Variants in CSRP1 observed in about 807,000 individuals in gnomAD.
The protein encoded by CSRP1 is cysteine and glycine rich protein 1, also known as cysteine and glycine-rich protein 1.
In CSRP1, 16 loss-of-function variants were observed where a neutral mutation model predicts 25.4. The ratio of observed to expected loss-of-function variants is 0.63; its 90% CI spans 0.43 to 0.96. The LOEUF (loss-of-function observed/expected upper bound fraction) is 0.96. Ranked by LOEUF, CSRP1 falls within the 40% of genes least tolerant of loss-of-function variation. The pLI is 0.00. For missense variants in CSRP1, 212 were observed against 243.6 expected, an observed-to-expected ratio of 0.87 and a Z score of 0.86; for synonymous variants, 97 against 95.3, an observed-to-expected ratio of 1.02 and a Z score of -0.10.
At chr1:201,496,132 T>C in intron 2 of CSRP1, 60 bp downstream of exon 2, 1 of 1,335,294 alleles carries the variant, frequency 7.5e-7, no homozygotes, top group Non-Finnish European at 1.1e-6. Flanking sequence ...GCCCAGCCTG[T>C]GGGGGCAGGC....
intron 2 of CSRP1, among the ~76,000 whole-genome samples, chr1:201,495,152 T>C (rs1664470750): frequency 6.6e-6 from 1 of 152,142 alleles, no homozygotes; most frequent in Admixed American, 6.5e-5. Context: ...TCCCAACACT[T>C]TGGGAGGCTG....
rs749520283 is a variant in CSRP1 at position 201,490,350 on chromosome 1, G to T, written c.113-6C>A. The T allele has an allele frequency of 6.2e-7, 1 of 1,612,756 alleles. No individual in the cohort carries two copies. Among genetic ancestry groups the T allele is most frequent in the Non-Finnish European group, 8.5e-7 (1 of 1,179,016 alleles). On this transcript the variant is annotated splice_region_variant and splice_polypyrimidine_tract_variant and intron_variant, in intron 2 of 5. Coordinates refer to ENST00000340006, the MANE Select transcript of CSRP1 (RefSeq NM_004078.3). Reference sequence around the variant, plus strand: ...CAGATTCTTCTTGCAGACCACTGTGGAGGGGAAGGGGAAGCGGACGCATTG... The same window carrying T: ...CAGATTCTTCTTGCAGACCACTGTGTAGGGGAAGGGGAAGCGGACGCATTG...
chr1:201,499,741 G>A (rs1664610990), intron 1 of CSRP1, among the ~76,000 whole-genome samples: 1 of 152,108 alleles, frequency 6.6e-6, no homozygotes, highest in Non-Finnish European at 1.5e-5. Flanking sequence ...TCAGCCTCCT[G>A]AGTAGCTGGG....
At chr1:201,488,086 T>G (rs12403361) in intron 4 of CSRP1, 2 of 151,972 alleles carry the variant, frequency 1.3e-5, no homozygotes, top group Non-Finnish European at 2.9e-5. Context: ...TGCTCCAGAA[T>G]TCCTCTCTGG....
chr1:201,497,121 C>T (rs551628598), intron 1 of CSRP1, among the ~76,000 whole-genome samples: 30 of 151,924 alleles, frequency 2.0e-4, no homozygotes, highest in Admixed American at 1.6e-3. Flanking sequence ...GAGGCTGAGG[C>T]GGGCAGGCCA....
rs1571783590 is a variant in CSRP1, at chr1:201,496,580, C to A, written c.-1-276G>T. 6.4e-6 allele frequency: 3 copies of A among 471,220 alleles called. No individual in the cohort carries two copies. In the East Asian group the frequency reaches 1.2e-4, roughly 18 times the overall value. The allele number at this position is 471,220 out of a possible 1,614,324, so 29.2% of individuals were successfully genotyped here. The stretch of plus-strand genomic sequence containing the variant: ...GCTAGGCACTCTAAAGGATGTGGAT[C>A]AGCAGAAGAAGCAGGCTTTATAAAG... On this transcript the variant is annotated intron_variant, in intron 1 of 5. Transcript: ENST00000340006.
chr1:201,496,616 C>T (rs548820669), intron 1 of CSRP1: 17 of 390,636 alleles, frequency 4.4e-5, no homozygotes, highest in Admixed American at 7.8e-5. Context: ...AAGGCTCCAG[C>T]TGCAATAAAA....
chr1:201,485,070 C>A (rs1040789675), intron 5 of CSRP1, among the ~76,000 whole-genome samples: 2 of 151,984 alleles, frequency 1.3e-5, no homozygotes, highest in Admixed American at 6.6e-5. Flanking sequence ...AGGGTCTAGC[C>A]CTATGCCTGC....
intron 1 of CSRP1, among the ~76,000 whole-genome samples, chr1:201,497,358 C>CA (rs71564149): frequency 0.07 from 3,088 of 44,338 alleles, 477 homozygotes; most frequent in East Asian, 0.38. Flanking sequence ...GACTCTGTCT[C>CA]AAAAAAAAAA....
chr1:201,483,888 C>T lies in CSRP1; in HGVS notation c.*825G>A. 3.1e-6 allele frequency: 2 copies of T among 636,676 alleles called. No homozygotes were observed. The highest frequency in any genetic ancestry group is 2.5e-4 in the Middle Eastern group (1 of 4,078). 39.4% of individuals were successfully genotyped at this position (636,676 alleles called of 1,614,324 possible). The stretch of plus-strand genomic sequence containing the variant: ...AGGTGTGGCAAGAACAGAGCCCTGG[C>T]CTGGGCTCTGCTGGCCGCAGCCTCA... On this transcript the variant is annotated 3_prime_UTR_variant, in exon 6 of 6. Coordinates refer to ENST00000340006, the MANE Select transcript of CSRP1 (RefSeq NM_004078.3).
chr1:201,488,882 A>T lies in CSRP1; in HGVS notation c.384T>A (p.Ala128=). 1 of 1,614,126 alleles carries T rather than the reference A, an allele frequency of 6.2e-7. No individual in the cohort carries two copies. Among genetic ancestry groups the T allele is most frequent in the Non-Finnish European group, 8.5e-7 (1 of 1,180,014 alleles). Residue 128 remains alanine (A), a synonymous_variant, in exon 4 of 6, where the codon GCT becomes GCA. Coordinates refer to ENST00000340006, the MANE Select transcript of CSRP1 (RefSeq NM_004078.3). ...TCCCAGCACCAATCACCTTCTCCGC[A>T]GCATAGACTGCCTGGCTGCATCGGG... ...RCPRCSQAVY[A]AEKVIGAGKS... is the part of the protein sequence containing the mutation.
chr1:201,486,974 T>C, intron 4 of CSRP1: 1 of 1,300,370 alleles, frequency 7.7e-7, no homozygotes, highest in South Asian at 1.3e-5. Flanking sequence ...TCATATCCTT[T>C]AGTCAATGGC....
At position 201,484,867 on chromosome 1, in the gene CSRP1, C is replaced by G. The variant is rs1043192925; in HGVS notation, c.506-78G>C. ...ACCACCCACCCTCCTGCTGAAGATC[C>G]CCCACTCCTAGTGCCCAGCCAGACT... On this transcript the variant is annotated intron_variant, in intron 5 of 5. Coordinates refer to ENST00000340006, the MANE Select transcript of CSRP1 (RefSeq NM_004078.3). 1.1e-5 allele frequency: 15 copies of G among 1,312,040 alleles called. No homozygotes were observed. In the South Asian group the frequency reaches 1.9e-4, roughly 17 times the overall value. 81.3% of individuals were successfully genotyped at this position (1,312,040 alleles called of 1,614,324 possible).
At chr1:201,487,926 A>C (rs675508) in intron 4 of CSRP1, 135,228 of 152,274 alleles carry the variant, frequency 0.89, 60,273 homozygotes, top group African/African-American at 0.97. Flanking sequence ...TTTCTTGATC[A>C]ATTCCCCTAT....
In CSRP1 at chr1:201,485,212, A is replaced by C. The variant is rs74453418; in HGVS notation, c.505+71T>G. 6,127 of 1,332,588 alleles carry C rather than the reference A, an allele frequency of 4.6e-3. 200 individuals carry two copies. The African/African-American group carries it at 0.079, about 17-fold the overall frequency. The allele number at this position is 1,332,588 out of a possible 1,614,324, so 82.5% of individuals were successfully genotyped here. On this transcript the variant is annotated intron_variant, in intron 5 of 5. Transcript: ENST00000340006. ...GGCCAGGAATTAGTTTACATTCAGC[A>C]AAGGCAAAACTACTTAGCCCCCCTA...
intron 4 of CSRP1, chr1:201,486,463 A>G: frequency 1.0e-6 from 1 of 985,640 alleles, no homozygotes; most frequent in Non-Finnish European, 1.2e-6. Flanking sequence ...TCATCCCCTC[A>G]GATTTCCTGG....
chr1:201,490,436 C>T, intron 2 of CSRP1, 92 bp from the exon 3 acceptor site: 1 of 1,320,476 alleles, frequency 7.6e-7, no homozygotes, highest in Non-Finnish European at 1.1e-6. Flanking sequence ...AGCTCTCTGG[C>T]CTCTTTGCAT....
rs1664075234 is a variant in CSRP1, at chr1:201,484,720, G to A, written c.575C>T (p.Ser192Phe). 1 of 1,610,814 alleles carries A rather than the reference G, an allele frequency of 6.2e-7. No homozygotes were observed. Among genetic ancestry groups the A allele is most frequent in the Non-Finnish European group, 8.5e-7 (1 of 1,179,190 alleles). ...TGGTGGGTGATGGTGGCCTCACTCA[G>A]AGTGGACCAAGGCCCCAGCTCCTTG... ...FGQGAGALVHSE is the reference protein window; with the variant it reads ...FGQGAGALVHFE Residue 192 changes from serine to phenylalanine, a missense_variant, in exon 6 of 6, where the codon TCT becomes TTT. Coordinates refer to ENST00000340006, the MANE Select transcript of CSRP1 (RefSeq NM_004078.3).
At chr1:201,486,614 T>C (rs899779448) in intron 4 of CSRP1, 1 of 1,007,636 alleles carries the variant, frequency 9.9e-7, no homozygotes, top group Non-Finnish European at 1.2e-6. Flanking sequence ...CCCCAAGCTC[T>C]CTAGGCTGGA....
Sources: allele counts gnomAD v4.1 joint callset (sites outside exome capture counted in the v4.1 genomes callset), GRCh38; gene constraint gnomAD v4.1.1; transcripts MANE v1.5; gene names NCBI Gene and HGNC (gene_info 2026-07-23, HGNC 2026-07-21).